Variants in RHBDD1 observed in about 807,000 individuals in gnomAD.
RHBDD1 encodes the protein rhomboid-related protein 4.
RHBDD1 carries 38 observed loss-of-function variants against 36.3 expected under a neutral mutation model. The observed-to-expected ratio is 1.05, with a 90% CI of 0.81 to 1.37. The LOEUF (loss-of-function observed/expected upper bound fraction) is 1.37, where lower values mean the gene tolerates loss of function less well. RHBDD1 is among the 40% of genes most tolerant of loss of function. The pLI is 0.00. For missense variants in RHBDD1, 393 were observed against 377.6 expected, an observed-to-expected ratio of 1.04 and a Z score of -0.34; for synonymous variants, 151 against 136.5, an observed-to-expected ratio of 1.11 and a Z score of -0.74.
rs369648354 is a variant in RHBDD1 at position 226,836,755 on chromosome 2, C to T, written c.-392+668C>T. Among the ~76,000 whole-genome samples, 485 of 152,306 alleles carry T rather than the reference C, an allele frequency of 3.2e-3. 2 individuals are homozygous for T. Among genetic ancestry groups the T allele is most frequent in the African/African-American group, 0.011 (461 of 41,580 alleles). On this transcript the variant is annotated intron_variant, in intron 1 of 8. Transcript: ENST00000392062. ...TGGGTCTCTGCAGTACACTCAGTGA[C>T]TCCCAGGCTTTTCTTTTTTCTCTTT...
intron 5 of RHBDD1, among the ~76,000 whole-genome samples, chr2:226,876,030 G>C (rs747391975): frequency 6.6e-6 from 1 of 152,194 alleles, no homozygotes; most frequent in South Asian, 2.1e-4. Flanking sequence ...ATGCAGCAAT[G>C]TACAGAACAA....
chr2:226,841,584 T>G (rs750800008), intron 3 of RHBDD1, among the ~76,000 whole-genome samples: 3 of 152,232 alleles, frequency 2.0e-5, no homozygotes, highest in African/African-American at 7.2e-5. Flanking sequence ...GTCAGTTTGC[T>G]GAGGATAATG....
intron 3 of RHBDD1, among the ~76,000 whole-genome samples, chr2:226,851,030 A>G (rs1016587823): frequency 1.3e-5 from 2 of 152,200 alleles, no homozygotes; most frequent in Non-Finnish European, 2.9e-5. Flanking sequence ...GAAACAAGGA[A>G]CAAGAAGTGT....
chr2:226,809,152 G>A, the RHBDD1 span, among the ~76,000 whole-genome samples: 1 of 152,186 alleles, frequency 6.6e-6, no homozygotes, highest in African/African-American at 2.4e-5. Context: ...AGAGAAAGTA[G>A]ATAGACAAAA....
Position 226,995,456 on chromosome 2 carries a change from C to G in RHBDD1, c.882C>G (p.Pro294=). The change falls in exon 9 of 9, where the codon CCC becomes CCG. Residue 294 remains proline (P), a synonymous_variant. Coordinates refer to ENST00000392062, the MANE Select transcript of RHBDD1 (RefSeq NM_001167608.3). The part of the protein sequence containing the change: ...DRGNTRNSPP[P]YGFHLSPEEM... ...GAAATACCAGAAATAGCCCACCACC[C>G]TACGGGTTTCATCTCTCACCAGAAG... is the stretch of plus-strand genomic sequence containing the variant. 2 of 1,612,952 alleles carry G rather than the reference C, an allele frequency of 1.2e-6. No homozygotes were observed. The highest frequency in any genetic ancestry group is 1.7e-6 in the Non-Finnish European group (2 of 1,179,316).
At chr2:226,821,123 T>A in the RHBDD1 span, among the ~76,000 whole-genome samples, 1 of 152,184 alleles carries the variant, frequency 6.6e-6, no homozygotes, top group Admixed American at 6.5e-5. Context: ...AGCCCCCTAC[T>A]ATGTTCCAGT....
At chr2:226,888,041 C>T (rs1404624394) in intron 5 of RHBDD1, among the ~76,000 whole-genome samples, 1 of 152,180 alleles carries the variant, frequency 6.6e-6, no homozygotes, top group Non-Finnish European at 1.5e-5. Flanking sequence ...GCCTCCTTCC[C>T]TTTTCTTCCC....
chr2:226,945,198 T>G (rs1559299226), intron 8 of RHBDD1, among the ~76,000 whole-genome samples: 1 of 150,230 alleles, frequency 6.7e-6, no homozygotes. Context: ...CTGGGATACA[T>G]GTGCAGAATG....
chr2:226,852,706 C>G (rs184186709), intron 3 of RHBDD1, among the ~76,000 whole-genome samples: 7 of 152,118 alleles, frequency 4.6e-5, no homozygotes, highest in African/African-American at 1.2e-4. Context: ...GAAACAATAT[C>G]TAACTCAAAA....
chr2:226,838,972 T>G (rs1315418824), intron 2 of RHBDD1, among the ~76,000 whole-genome samples: 1 of 152,204 alleles, frequency 6.6e-6, no homozygotes, highest in Non-Finnish European at 1.5e-5. Flanking sequence ...GGGACACTGT[T>G]ACAGGAAATG....
intron 8 of RHBDD1, among the ~76,000 whole-genome samples, chr2:226,968,190 C>T (rs529717594): frequency 3.3e-5 from 5 of 152,146 alleles, no homozygotes; most frequent in Non-Finnish European, 7.3e-5. Flanking sequence ...GTTGTATAAA[C>T]TGGAAGAACC....
chr2:226,914,872 T>A (rs113018797), intron 8 of RHBDD1, among the ~76,000 whole-genome samples: 1 of 152,152 alleles, frequency 6.6e-6, no homozygotes, highest in Non-Finnish European at 1.5e-5. Flanking sequence ...TAAACCGATA[T>A]CTGAAAAAAC....
chr2:226,995,633 G>A lies in RHBDD1; in HGVS notation c.*111G>A. The A allele has an allele frequency of 1.3e-6, 1 of 770,306 alleles. No homozygotes were observed. The highest frequency in any genetic ancestry group is 2.7e-5 in the East Asian group (1 of 37,330). The allele number at this position is 770,306 out of a possible 1,614,324, so 47.7% of individuals were successfully genotyped here. A position where few individuals can be genotyped will look rare whatever the true frequency, so the allele number is the denominator to read the frequency against. ...TTTTAAACAAAAGCAGAGTACACCG[G>A]TATTGCTCCAGATCGCTCACATCAC... On this transcript the variant is annotated 3_prime_UTR_variant, in exon 9 of 9. Transcript: ENST00000392062.
the RHBDD1 span, among the ~76,000 whole-genome samples, chr2:226,830,186 G>A: frequency 6.6e-6 from 1 of 152,178 alleles, no homozygotes; most frequent in South Asian, 2.1e-4. Flanking sequence ...AGGATGTGGA[G>A]CCTTTGGGAA....
chr2:226,852,598 C>T (rs933616152), intron 3 of RHBDD1, among the ~76,000 whole-genome samples: 2 of 152,144 alleles, frequency 1.3e-5, no homozygotes, highest in Non-Finnish European at 2.9e-5. Flanking sequence ...TGATGTCACA[C>T]TTCCAGCCTG....
chr2:226,918,389 C>T (rs967564477), intron 8 of RHBDD1, among the ~76,000 whole-genome samples: 26 of 151,886 alleles, frequency 1.7e-4, no homozygotes, highest in African/African-American at 2.7e-4. Flanking sequence ...ACTCTCATCA[C>T]GCTGTTGTGC....
In RHBDD1 at chr2:226,995,931, G is replaced by C. The variant is rs1959194012; in HGVS notation, c.*409G>C. On this transcript the variant is annotated 3_prime_UTR_variant, in exon 9 of 9. Transcript: ENST00000392062. ...CGTGTTTGACTTGGCAGCGGGTGTG[G>C]AGCCATCCCCGCGTCCTCCTGGCGC... The C allele has an allele frequency of 5.9e-6, 1 of 170,482 alleles. No individual in the cohort carries two copies. Among genetic ancestry groups the C allele is most frequent in the Non-Finnish European group, 1.2e-5 (1 of 80,588 alleles). 10.6% of individuals were successfully genotyped at this position (170,482 alleles called of 1,614,324 possible). A position where few individuals can be genotyped will look rare whatever the true frequency, so the allele number is the denominator to read the frequency against.
intron 3 of RHBDD1, among the ~76,000 whole-genome samples, chr2:226,843,447 A>G (rs1411511425): frequency 6.6e-6 from 1 of 152,150 alleles, no homozygotes; most frequent in African/African-American, 2.4e-5. Flanking sequence ...AAGTGCCTTT[A>G]ATCCCTAGTT....
chr2:226,964,713 T>C (rs918114096), intron 8 of RHBDD1, among the ~76,000 whole-genome samples: 1 of 152,264 alleles, frequency 6.6e-6, no homozygotes, highest in African/African-American at 2.4e-5. Flanking sequence ...TTTGGCCTTT[T>C]GGACGTAGTG....
Sources: gnomAD v4.1 joint callset for allele counts (sites outside exome capture counted in the v4.1 genomes callset) on GRCh38, gnomAD v4.1.1 for gene constraint, MANE v1.5 for transcripts, NCBI Gene and HGNC (gene_info 2026-07-23, HGNC 2026-07-21) for gene names.